Variants in GABRG2 observed in about 807,000 individuals in gnomAD.
GABRG2 encodes gamma-aminobutyric acid type A receptor subunit gamma2.
GABRG2 carries 16 observed loss-of-function variants against 56.4 expected under a neutral mutation model. The ratio of observed to expected loss-of-function variants is 0.28; its 90% CI spans 0.19 to 0.43. The LOEUF (loss-of-function observed/expected upper bound fraction) is 0.43. GABRG2 is among the 20% of genes least tolerant of loss of function. GABRG2 has a pLI of 1.00. For synonymous variants in GABRG2, 208 were observed against 205.5 expected (o/e 1.01, Z -0.10); for missense variants, 327 against 582.7 (o/e 0.56, Z 4.52).
intron 1 of GABRG2, among the ~76,000 whole-genome samples, chr5:162,068,792 A>T (rs1410762130): frequency 6.6e-6 from 1 of 152,144 alleles, no homozygotes; most frequent in Non-Finnish European, 1.5e-5. Flanking sequence ...AAGGCCAATG[A>T]AGCCACGGGG....
intron 6 of GABRG2, among the ~76,000 whole-genome samples, chr5:162,118,766 G>C (rs886686596): frequency 1.2e-4 from 19 of 152,038 alleles, no homozygotes; most frequent in African/African-American, 4.6e-4. Flanking sequence ...GACTTAAGAA[G>C]GATGACAAGC....
At position 162,149,173 on chromosome 5, in the gene GABRG2, T is replaced by A; in HGVS notation, c.988T>A (p.Ser330Thr). The change falls in exon 8 of 10, where the codon TCC becomes ACC. Residue 330 changes from serine to threonine, a missense_variant. Physicochemically the swap from Ser to Thr is moderately conservative, Grantham distance 58. This residue lies in a region of GABRG2 where 42 missense variants were observed against 156.9 expected (regional missense o/e 0.27). Transcript: ENST00000639213. ...TGCCCGGAAATCGCTCCCCAAGGTC[T>A]CCTATGTCACAGCGATGGATCTCTT... ...TIARKSLPKV[S>T]YVTAMDLFVS... 6.2e-7 allele frequency: 1 copy of A among 1,614,140 alleles called. No individual in the cohort carries two copies. Among genetic ancestry groups the A allele is most frequent in the Non-Finnish European group, 8.5e-7 (1 of 1,180,028 alleles).
In GABRG2 at chr5:162,142,188, A is replaced by G. The variant is rs780766516; in HGVS notation, c.794A>G (p.Tyr265Cys). 2 of 1,614,096 alleles carry G rather than the reference A, an allele frequency of 1.2e-6. No individual in the cohort carries two copies. Among genetic ancestry groups the G allele is most frequent in the South Asian group, 1.1e-5 (1 of 91,086 alleles). Residue 265 changes from tyrosine to cysteine, a missense_variant, in exon 7 of 10, where the codon TAC becomes TGC. This residue lies in a region of GABRG2 where 42 missense variants were observed against 156.9 expected (regional missense o/e 0.27). Transcript: ENST00000639213. Reference sequence around the variant, plus strand: ...GGAGATTATGTGGTCATGTCTGTCTACTTTGATCTGAGCAGAAGAATGGGA... The same window carrying G: ...GGAGATTATGTGGTCATGTCTGTCTGCTTTGATCTGAGCAGAAGAATGGGA... ...TSGDYVVMSV[Y>C]FDLSRRMGYF...
intron 3 of GABRG2, among the ~76,000 whole-genome samples, chr5:162,097,364 A>G (rs527793041): frequency 2.6e-5 from 4 of 152,152 alleles, no homozygotes; most frequent in Non-Finnish European, 5.9e-5. Flanking sequence ...GCTCTGCTCT[A>G]TAGACATGGA....
chr5:162,077,357 A>G (rs894935618), intron 1 of GABRG2, among the ~76,000 whole-genome samples: 4 of 152,098 alleles, frequency 2.6e-5, no homozygotes, highest in Non-Finnish European at 5.9e-5. Context: ...CTTTTTTATT[A>G]TTATGAATTC....
In GABRG2 at chr5:162,113,823, C is replaced by T. The variant is rs113762130; in HGVS notation, c.769+9797C>T. ...TGCAATCATGGACACCAATTGTAAT[C>T]GCCTACTGATCACATTTCCTTATGG... is the stretch of plus-strand genomic sequence containing the variant. On this transcript the variant is annotated intron_variant, in intron 6 of 9. Transcript: ENST00000639213. 5.2e-4 allele frequency among the ~76,000 whole-genome samples: 79 copies of T among 152,278 alleles called. 2 individuals are homozygous for T. The highest frequency in any genetic ancestry group is 1.8e-3 in the African/African-American group (76 of 41,552).
chr5:162,115,482 G>A (rs1762552685), intron 6 of GABRG2, among the ~76,000 whole-genome samples: 1 of 151,100 alleles, frequency 6.6e-6, no homozygotes, highest in African/African-American at 2.4e-5. Flanking sequence ...AGGGGACCAG[G>A]GTGTTGCCAT....
chr5:162,097,028 G>T (rs765723781), intron 3 of GABRG2, among the ~76,000 whole-genome samples: 1 of 151,946 alleles, frequency 6.6e-6, no homozygotes, highest in Non-Finnish European at 1.5e-5. Flanking sequence ...ATCCTAACAC[G>T]GCCTACCCAG....
At chr5:162,138,735 A>G (rs1764327012) in intron 6 of GABRG2, among the ~76,000 whole-genome samples, 1 of 152,196 alleles carries the variant, frequency 6.6e-6, no homozygotes, top group Admixed American at 6.5e-5. Flanking sequence ...TATATTTGAT[A>G]CTTCATTTTT....
intron 6 of GABRG2, 93 bp from the exon 7 acceptor site, chr5:162,142,071 A>C: frequency 7.1e-7 from 1 of 1,412,178 alleles, no homozygotes; most frequent in Non-Finnish European, 1.0e-6. Flanking sequence ...CTTAATTTAA[A>C]TGTGTGTGCA....
intron 1 of GABRG2, among the ~76,000 whole-genome samples, chr5:162,068,743 G>C (rs1293345222): frequency 6.6e-6 from 1 of 152,110 alleles, no homozygotes; most frequent in Non-Finnish European, 1.5e-5. Flanking sequence ...CTGATAGAAC[G>C]TCTCTAAATA....
Position 162,155,035 on chromosome 5 carries a change from A to G in GABRG2, c.*1667A>G, listed in dbSNP as rs1753765070. On this transcript the variant is annotated 3_prime_UTR_variant, in exon 10 of 10. Transcript: ENST00000639213. ...TGGAAATTATTACTCTGTCATAATT[A>G]AATCATAGCTAGTATAACTTTACAG... is the stretch of plus-strand genomic sequence containing the variant. 1 of 152,420 alleles carries G rather than the reference A, an allele frequency of 6.6e-6. No homozygotes were observed. The highest frequency in any genetic ancestry group is 1.5e-5 in the Non-Finnish European group (1 of 68,022). 9.4% of individuals were successfully genotyped at this position (152,420 alleles called of 1,614,324 possible).
Position 162,153,657 on chromosome 5 carries a change from AG to A in GABRG2, c.*290del. ...ATTTTTCAGCTACAGCAAATAAAAC[AG>A]TGAAAGCCCTGACTATTTACAGTAG... On this transcript the variant is annotated 3_prime_UTR_variant, in exon 10 of 10. Transcript: ENST00000639213. 2.0e-6 allele frequency: 1 copy of A among 505,284 alleles called. No individual in the cohort carries two copies. Among genetic ancestry groups the A allele is most frequent in the South Asian group, 2.1e-5 (1 of 47,798 alleles). 31.3% of individuals were successfully genotyped at this position (505,284 alleles called of 1,614,324 possible).
At chr5:162,095,595 T>C in intron 3 of GABRG2, 33 bp downstream of exon 3, 1 of 1,443,260 alleles carries the variant, frequency 6.9e-7, no homozygotes, top group Non-Finnish European at 9.7e-7. Context: ...TTGTCTGTTT[T>C]ATTAGCATGT....
At chr5:162,121,638 C>T (rs1487329495) in intron 6 of GABRG2, among the ~76,000 whole-genome samples, 13 of 152,048 alleles carry the variant, frequency 8.5e-5, no homozygotes, top group Admixed American at 8.5e-4. Context: ...ATAAGACTGA[C>T]TGTAGATATA....
At chr5:162,078,746 G>A (rs905204039) in intron 1 of GABRG2, among the ~76,000 whole-genome samples, 1 of 151,592 alleles carries the variant, frequency 6.6e-6, no homozygotes, top group Non-Finnish European at 1.5e-5. Flanking sequence ...CTTCAATACA[G>A]AATTTTCATC....
At chr5:162,111,955 G>A (rs1762282538) in intron 6 of GABRG2, among the ~76,000 whole-genome samples, 1 of 152,078 alleles carries the variant, frequency 6.6e-6, no homozygotes, top group South Asian at 2.1e-4. Context: ...AGTATAAAGT[G>A]AGAAACTTAA....
intron 6 of GABRG2, among the ~76,000 whole-genome samples, chr5:162,131,223 T>C (rs908659048): frequency 2.6e-5 from 4 of 152,056 alleles, no homozygotes; most frequent in South Asian, 2.1e-4. Context: ...CTATAGACTA[T>C]AGTAAATGTT....
Position 162,103,937 on chromosome 5 carries a change from T to C in GABRG2, c.680T>C (p.Val227Ala). The C allele has an allele frequency of 6.2e-7, 1 of 1,614,008 alleles. No individual in the cohort carries two copies. The highest frequency in any genetic ancestry group is 8.5e-7 in the Non-Finnish European group (1 of 1,179,932). The change falls in exon 6 of 10, where the codon GTT (valine) becomes GCT (alanine). Residue 227 changes from valine to alanine, a missense_variant. Val to Ala is a moderately conservative substitution (Grantham distance 64). Transcript: ENST00000639213. ...EIVYQWKRSS[V>A]EVGDTRSWRL... ...GTTTATCAATGGAAGCGAAGTTCTG[T>C]TGAAGTGGGCGACACAAGATCCTGG...
Sources: allele counts gnomAD v4.1 joint callset (sites outside exome capture counted in the v4.1 genomes callset), GRCh38; gene constraint gnomAD v4.1.1; regional missense constraint gnomAD v4.1.1; transcripts MANE v1.5; gene names NCBI Gene and HGNC (gene_info 2026-07-23, HGNC 2026-07-21).